RABGAP1L: variants seen among roughly 807,000 people sequenced by gnomAD.
RABGAP1L encodes rab GTPase-activating protein 1-like.
A neutral mutation model predicts 137.7 loss-of-function variants in RABGAP1L; 63 were observed. The ratio of observed to expected loss-of-function variants is 0.46; its 90% confidence interval spans 0.37 to 0.56. The LOEUF (loss-of-function observed/expected upper bound fraction) is 0.56. Among genes scored for constraint, RABGAP1L ranks in the 20% least tolerant of loss-of-function variants. RABGAP1L has a pLI of 0.00. For synonymous variants in RABGAP1L, 431 were observed against 433.7 expected, an observed-to-expected ratio of 0.99 and a Z score of 0.08; for missense variants, 1,095 against 1,244.0, an observed-to-expected ratio of 0.88 and a Z score of 1.80.
At chr1:174,743,691 T>A (rs563801308) in intron 17 of RABGAP1L, among the ~76,000 whole-genome samples, 46 of 152,018 alleles carry the variant, frequency 3.0e-4, no homozygotes, top group South Asian at 2.9e-3. Context: ...TATGTTTTTT[T>A]AAAAAAAATT....
chr1:174,789,340 C>T lies in RABGAP1L; in HGVS notation c.2212-22492C>T, dbSNP rs901814259. Reference sequence around the variant, plus strand: ...TAGACCAATTTAGTTGGACCGTGGTCTGTTTTTTTAGTATGTAAAAACATG... The same window carrying T: ...TAGACCAATTTAGTTGGACCGTGGTTTGTTTTTTTAGTATGTAAAAACATG... On this transcript the variant is annotated intron_variant, in intron 18 of 25. Coordinates refer to ENST00000681986, the MANE Select transcript of RABGAP1L (RefSeq NM_001366446.1). Among the ~76,000 whole-genome samples, 4 of 152,148 alleles carry T rather than the reference C, an allele frequency of 2.6e-5. No homozygotes were observed. The East Asian group carries it at 5.8e-4, about 22-fold the overall frequency.
At chr1:174,882,533 C>T (rs1296545961) in intron 19 of RABGAP1L, among the ~76,000 whole-genome samples, 2 of 152,106 alleles carry the variant, frequency 1.3e-5, no homozygotes, top group Non-Finnish European at 2.9e-5. Flanking sequence ...TTTATTCAAT[C>T]GTTTAAAGGC....
chr1:174,618,101 G>A (rs187972719), intron 13 of RABGAP1L, among the ~76,000 whole-genome samples: 1,706 of 152,250 alleles, frequency 0.011, 23 homozygotes, highest in African/African-American at 0.034. Flanking sequence ...TGGGAGGGGC[G>A]CCCGCCATTG....
At chr1:174,283,823 T>G (rs905047577) in intron 10 of RABGAP1L, among the ~76,000 whole-genome samples, 1 of 152,224 alleles carries the variant, frequency 6.6e-6, no homozygotes, top group Non-Finnish European at 1.5e-5. Context: ...AGTTGCTGTC[T>G]TAAGAGTGAG....
chr1:174,545,392 A>T (rs1222046904), intron 13 of RABGAP1L: 1 of 152,272 alleles, frequency 6.6e-6, no homozygotes, highest in Non-Finnish European at 1.5e-5. Context: ...TGGGTGTGGG[A>T]CTCTCCGAGC....
rs542320250 is a variant in RABGAP1L, at chr1:174,369,265, C to T, written c.1466-1714C>T. The stretch of plus-strand genomic sequence containing the variant: ...AGTGCAGTGGCACAATCTTGGCTCA[C>T]TGCAACTGTGGCCTCCCAGGCTCAA... On this transcript the variant is annotated intron_variant, in intron 11 of 25. Transcript: ENST00000681986. 1.4e-4 allele frequency among the ~76,000 whole-genome samples: 22 copies of T among 152,302 alleles called. No homozygotes were observed. In the South Asian group the frequency reaches 4.3e-3, roughly 30 times the overall value.
Position 174,448,518 on chromosome 1 carries a change from G to A in RABGAP1L, c.1710+54373G>A, listed in dbSNP as rs916634525. 1.2e-6 allele frequency: 2 copies of A among 1,613,042 alleles called. No homozygotes were observed. The highest frequency in any genetic ancestry group is 1.7e-6 in the Non-Finnish European group (2 of 1,179,022). On this transcript the variant is annotated intron_variant, in intron 13 of 25. Coordinates refer to ENST00000681986, the MANE Select transcript of RABGAP1L (RefSeq NM_001366446.1). This position sits in a 1 kb window ranked among gnomAD's most constrained non-coding sequence, Gnocchi z 4.2. ...TCTATGGCATGTCTTGCTTGCATCA[G>A]TGTGGATCGTTATCTTGCAATAACC...
intron 13 of RABGAP1L, among the ~76,000 whole-genome samples, chr1:174,501,216 C>CT (rs1371987716): frequency 0.059 from 8,373 of 140,960 alleles, 333 homozygotes; most frequent in Middle Eastern, 0.12. Context: ...TTTGTTTACT[C>CT]TTTTTTTTTT....
chr1:174,521,621 A>T (rs756797804), intron 13 of RABGAP1L, among the ~76,000 whole-genome samples: 5 of 152,242 alleles, frequency 3.3e-5, no homozygotes, highest in Admixed American at 1.3e-4. Context: ...GGAGATAAGT[A>T]ATAAAATTTG....
At chr1:174,294,117 G>T (rs1571952895) in intron 10 of RABGAP1L, among the ~76,000 whole-genome samples, 1 of 152,108 alleles carries the variant, frequency 6.6e-6, no homozygotes, top group South Asian at 2.1e-4. Context: ...TTGTCATAGT[G>T]AATAAATACT....
chr1:174,702,296 G>C, intron 17 of RABGAP1L, 40 bp downstream of exon 17: 2 of 1,509,734 alleles, frequency 1.3e-6, no homozygotes, highest in Non-Finnish European at 1.8e-6. Flanking sequence ...AAAATAGAAA[G>C]TAGTTTCTAC....
intron 19 of RABGAP1L, among the ~76,000 whole-genome samples, chr1:174,909,751 A>C (rs1659751611): frequency 6.6e-6 from 1 of 152,240 alleles, no homozygotes; most frequent in Non-Finnish European, 1.5e-5. Context: ...TGTTATGAAC[A>C]ACCTGGAAAA....
chr1:174,415,655 G>T (rs1236742161), intron 13 of RABGAP1L, among the ~76,000 whole-genome samples: 1 of 151,970 alleles, frequency 6.6e-6, no homozygotes, highest in Non-Finnish European at 1.5e-5. Context: ...TTCAGTTCTG[G>T]TGTGAAGTAG....
intron 1 of RABGAP1L, among the ~76,000 whole-genome samples, chr1:174,166,643 T>A (rs1489133930): frequency 6.6e-6 from 1 of 152,256 alleles, no homozygotes; most frequent in African/African-American, 2.4e-5. Context: ...AAGTTGTGTC[T>A]GTTAATCAAG....
At position 174,849,628 on chromosome 1, in the gene RABGAP1L, T is replaced by C. The variant is rs920491758; in HGVS notation, c.2340+37668T>C. The C allele has an allele frequency of 8.1e-5, 30 of 371,154 alleles. No homozygotes were observed. In the East Asian group the frequency reaches 2.1e-3, roughly 26 times the overall value. The allele number at this position is 371,154 out of a possible 1,614,324, so 23.0% of individuals were successfully genotyped here. A position where few individuals can be genotyped will look rare whatever the true frequency, so the allele number is the denominator to read the frequency against. ...TTAATATGTGAAAAATGAGAAAATA[T>C]ACAGGATGAGAAGTACACTTAGGAA... On this transcript the variant is annotated intron_variant, in intron 19 of 25. Coordinates refer to ENST00000681986, the MANE Select transcript of RABGAP1L (RefSeq NM_001366446.1).
chr1:174,910,624 T>G (rs1457135040), intron 19 of RABGAP1L, among the ~76,000 whole-genome samples: 7 of 152,174 alleles, frequency 4.6e-5, no homozygotes, highest in African/African-American at 1.7e-4. Context: ...CAAATTAGCC[T>G]TGTTTGTAGA....
chr1:174,885,187 C>T (rs372659123), intron 19 of RABGAP1L, among the ~76,000 whole-genome samples: 3 of 152,236 alleles, frequency 2.0e-5, no homozygotes, highest in South Asian at 2.1e-4. Flanking sequence ...AGCTGTGTTT[C>T]GTGTTTCTTT....
At chr1:174,659,179 A>G (rs1676188298) in intron 14 of RABGAP1L, among the ~76,000 whole-genome samples, 1 of 148,346 alleles carries the variant, frequency 6.7e-6, no homozygotes, top group Admixed American at 6.8e-5. Flanking sequence ...TTAAGTTTGT[A>G]TGGTGGTTTC....
intron 13 of RABGAP1L, among the ~76,000 whole-genome samples, chr1:174,539,071 A>T (rs1665133791): frequency 6.6e-6 from 1 of 152,152 alleles, no homozygotes; most frequent in Non-Finnish European, 1.5e-5. Flanking sequence ...CTCATTTATC[A>T]TTCAGAATAA....
Sources: allele counts gnomAD v4.1 joint callset (sites outside exome capture counted in the v4.1 genomes callset), GRCh38; gene constraint gnomAD v4.1.1; non-coding constraint Gnocchi (gnomAD v3.1); transcripts MANE v1.5; gene names NCBI Gene and HGNC (gene_info 2026-07-23, HGNC 2026-07-21).